The following FAM167A variants were observed in gnomAD, a reference collection of about 807,000 sequenced individuals.
The protein encoded by FAM167A is family with sequence similarity 167 member A.
Under a neutral mutation model 14.9 loss-of-function variants are expected in FAM167A, and 23 were observed. That is an observed-to-expected ratio of 1.55 (90% CI 1.11 to 2.19). FAM167A has a LOEUF of 2.19. Among genes scored for constraint, FAM167A ranks in the 30% most tolerant of loss-of-function variants. The pLI, the probability that FAM167A is intolerant of heterozygous loss-of-function variation, is 0.00. For synonymous variants in FAM167A, 174 were observed against 117.7 expected, an observed-to-expected ratio of 1.48 and a Z score of -3.10; for missense variants, 401 against 281.5, an observed-to-expected ratio of 1.42 and a Z score of -3.04.
intron 1 of FAM167A, among the ~76,000 whole-genome samples, chr8:11,466,015 C>A (rs1199126950): frequency 2.0e-5 from 3 of 152,044 alleles, no homozygotes; most frequent in African/African-American, 7.2e-5. Context: ...GAAGAAGACA[C>A]CCTCCCCCCC....
intron 2 of FAM167A, chr8:11,443,809 G>A (rs1806591522): frequency 1.4e-5 from 8 of 571,644 alleles, no homozygotes; most frequent in South Asian, 1.1e-4. Flanking sequence ...TCCTTCATTA[G>A]TGTCTGCAAT....
chr8:11,434,738 A>G (rs17153245), intron 2 of FAM167A: 11,056 of 259,530 alleles, frequency 0.043, 632 homozygotes, highest in African/African-American at 0.16. Context: ...TTCCAGTCCT[A>G]GTGCAGCCTC....
chr8:11,451,856 A>G, intron 1 of FAM167A, among the ~76,000 whole-genome samples: 1 of 152,164 alleles, frequency 6.6e-6, no homozygotes. Flanking sequence ...TGCCTTCTGG[A>G]TCTGCCCTGG....
intron 2 of FAM167A, among the ~76,000 whole-genome samples, chr8:11,435,982 C>T (rs1207991144): frequency 6.6e-6 from 1 of 152,216 alleles, no homozygotes; most frequent in Non-Finnish European, 1.5e-5. Context: ...GCGCTTGCCC[C>T]AGCTCCTGGG....
intron 1 of FAM167A, among the ~76,000 whole-genome samples, chr8:11,465,618 CA>C (rs1563394181): frequency 6.6e-6 from 1 of 152,248 alleles, no homozygotes; most frequent in African/African-American, 2.4e-5. Flanking sequence ...CGCCCTCAGG[CA>C]ACAGGCGCCA....
intron 1 of FAM167A, among the ~76,000 whole-genome samples, chr8:11,451,828 C>G (rs967785148): frequency 1.3e-5 from 2 of 152,212 alleles, no homozygotes; most frequent in Admixed American, 1.3e-4. Flanking sequence ...GAAGGACTGG[C>G]CCGGGATCTC....
chr8:11,455,892 A>G (rs11784685), intron 1 of FAM167A, among the ~76,000 whole-genome samples: 1 of 127,214 alleles, frequency 7.9e-6, no homozygotes, highest in African/African-American at 3.1e-5. Flanking sequence ...GTTGCCTTGC[A>G]GAGTGTGAGT....
intron 2 of FAM167A, among the ~76,000 whole-genome samples, chr8:11,429,477 G>A (rs1805421469): frequency 1.3e-5 from 2 of 152,208 alleles, no homozygotes; most frequent in Admixed American, 1.3e-4. Flanking sequence ...CCTGGAGGCG[G>A]GGATGACAAC....
At chr8:11,441,978 G>A (rs1300397017) in intron 2 of FAM167A, among the ~76,000 whole-genome samples, 1 of 152,194 alleles carries the variant, frequency 6.6e-6, no homozygotes, top group Non-Finnish European at 1.5e-5. Flanking sequence ...ACACACCCCT[G>A]GTGGCACAGG....
Position 11,423,811 on chromosome 8 carries a change from C to T in FAM167A, c.*562G>A, listed in dbSNP as rs539536709. On this transcript the variant is annotated 3_prime_UTR_variant, in exon 3 of 3. Coordinates refer to ENST00000284486, the MANE Select transcript of FAM167A (RefSeq NM_053279.3). ...CACTGGCTGCCAGCCACTGGGGCTG[C>T]GTCCCCAAGTGCCCATTTGTCATGC... The T allele has an allele frequency of 2.8e-4, 44 of 157,626 alleles. 1 individual carries two copies. The South Asian group carries it at 6.4e-3, about 23-fold the overall frequency. The allele number at this position is 157,626 out of a possible 1,614,324, so 9.8% of individuals were successfully genotyped here.
intron 2 of FAM167A, among the ~76,000 whole-genome samples, chr8:11,426,531 TGA>T (rs1317173695): frequency 4.6e-5 from 7 of 152,200 alleles, no homozygotes; most frequent in Non-Finnish European, 1.0e-4. Context: ...CAAAAGTGTC[TGA>T]GACAGGTGTC....
chr8:11,441,042 C>T (rs546742849), intron 2 of FAM167A, among the ~76,000 whole-genome samples: 7 of 152,324 alleles, frequency 4.6e-5, no homozygotes, highest in South Asian at 4.1e-4. Context: ...CAGCAGCAGG[C>T]GGAACTGCAC....
intron 2 of FAM167A, 146 bp from the exon 3 acceptor site, chr8:11,424,782 T>G (rs1208890082): frequency 1.2e-5 from 15 of 1,233,256 alleles, no homozygotes; most frequent in African/African-American, 3.0e-5. Context: ...CTCAGGGAGG[T>G]GAAAAGACAC....
intron 1 of FAM167A, among the ~76,000 whole-genome samples, chr8:11,456,692 G>T (rs1043226794): frequency 2.0e-5 from 3 of 151,624 alleles, no homozygotes; most frequent in Non-Finnish European, 4.4e-5. Context: ...TTAGTGACAT[G>T]TGCAGAGCTG....
At chr8:11,452,707 C>T (rs1042492377) in intron 1 of FAM167A, among the ~76,000 whole-genome samples, 3 of 152,182 alleles carry the variant, frequency 2.0e-5, no homozygotes, top group Non-Finnish European at 2.9e-5. Flanking sequence ...CTCATGAAAC[C>T]GAAGCCCAAG....
chr8:11,444,441 C>A lies in FAM167A; in HGVS notation c.-30G>T. ...CAGTCTGCCCTGGCAGCCGGACATG[C>A]GAGGGCACGGGGGGCGCAGGGGGAG... On this transcript the variant is annotated 5_prime_UTR_variant, in exon 2 of 3. Transcript: ENST00000284486. 8 of 1,504,274 alleles carry A rather than the reference C, an allele frequency of 5.3e-6. No individual in the cohort carries two copies. Among genetic ancestry groups the A allele is most frequent in the Non-Finnish European group, 7.1e-6 (8 of 1,126,554 alleles). The allele number at this position is 1,504,274 out of a possible 1,614,324, so 93.2% of individuals were successfully genotyped here.
upstream of FAM167A, among the ~76,000 whole-genome samples, chr8:11,466,939 C>T (rs1156555849): frequency 1.3e-4 from 20 of 152,220 alleles, no homozygotes; most frequent in African/African-American, 4.6e-4. Flanking sequence ...GCAGCCCCCG[C>T]GAGTGGAGAG....
upstream of FAM167A, among the ~76,000 whole-genome samples, chr8:11,468,093 G>C (rs1563396229): frequency 6.6e-6 from 1 of 152,194 alleles, no homozygotes; most frequent in Non-Finnish European, 1.5e-5. Context: ...CGTGCACGCA[G>C]TCTCCATACT....
intron 2 of FAM167A, among the ~76,000 whole-genome samples, chr8:11,432,328 C>G (rs1407261007): frequency 6.6e-6 from 1 of 152,174 alleles, no homozygotes; most frequent in Non-Finnish European, 1.5e-5. Flanking sequence ...ATCCATCTGA[C>G]AAAGGGCTAA....
Sources: gnomAD v4.1 joint callset for allele counts (sites outside exome capture counted in the v4.1 genomes callset) on GRCh38, gnomAD v4.1.1 for gene constraint, MANE v1.5 for transcripts, NCBI Gene and HGNC (gene_info 2026-07-23, HGNC 2026-07-21) for gene names.